The following B4GALT4 variants were observed in gnomAD, a reference collection of about 807,000 sequenced individuals.
B4GALT4 encodes beta-1,4-galactosyltransferase 4.
Under a neutral mutation model 37.3 loss-of-function variants are expected in B4GALT4, and 27 were observed. The ratio of observed to expected loss-of-function variants is 0.72; its 90% CI spans 0.53 to 1.00. B4GALT4 has a LOEUF of 1.00. B4GALT4 is among the 50% of genes least tolerant of loss of function. B4GALT4 has a pLI of 0.00. For synonymous variants in B4GALT4, 148 were observed against 154.1 expected (o/e 0.96, Z 0.29); for missense variants, 372 against 413.1 (o/e 0.90, Z 0.86).
chr3:119,221,481 A>G (rs533929454), intron 5 of B4GALT4, among the ~76,000 whole-genome samples: 3 of 152,336 alleles, frequency 2.0e-5, no homozygotes, highest in African/African-American at 4.8e-5. Context: ...GCAGACACTC[A>G]GCTGCCTGGA....
At chr3:119,224,330 TA>T in intron 4 of B4GALT4, 85 bp from the exon 5 acceptor site, 1 of 1,063,076 alleles carries the variant, frequency 9.4e-7, no homozygotes, top group South Asian at 1.7e-5. Flanking sequence ...CAGGAGATGG[TA>T]TTATTCTAAT....
At chr3:119,216,040 A>G (rs2078280593) in intron 7 of B4GALT4, 200 bp downstream of exon 7, 4 of 342,804 alleles carry the variant, frequency 1.2e-5, no homozygotes, top group Non-Finnish European at 2.1e-5. Context: ...TGAGGGAAAG[A>G]AGAGAGGCCA....
At chr3:119,214,749 T>G (rs1420222982) in intron 7 of B4GALT4, 1 of 152,206 alleles carries the variant, frequency 6.6e-6, no homozygotes, top group African/African-American at 2.4e-5. Context: ...TAGAAAAATC[T>G]AATAAATGCA....
At chr3:119,237,559 T>G (rs114088303) in intron 1 of B4GALT4, among the ~76,000 whole-genome samples, 1,971 of 152,282 alleles carry the variant, frequency 0.013, 35 homozygotes, top group African/African-American at 0.044. Context: ...AAAATGAAAT[T>G]TTAACAAGCT....
chr3:119,212,051 C>T lies in B4GALT4; in HGVS notation c.*498G>A, dbSNP rs187632459. The T allele has an allele frequency of 1.5e-6, 1 of 674,322 alleles. No individual in the cohort carries two copies. Among genetic ancestry groups the T allele is most frequent in the African/African-American group, 1.8e-5 (1 of 56,208 alleles). 41.8% of individuals were successfully genotyped at this position (674,322 alleles called of 1,614,324 possible). On this transcript the variant is annotated 3_prime_UTR_variant, in exon 8 of 8. Transcript: ENST00000393765. Reference sequence around the variant, plus strand: ...CCTGATTCGTCGCCTTTTCTCCCCTCTTTTGTGGACGCCTTCTCACCTGAC... The same window carrying T: ...CCTGATTCGTCGCCTTTTCTCCCCTTTTTTGTGGACGCCTTCTCACCTGAC...
In B4GALT4 at chr3:119,219,643, A is replaced by T. The variant is rs144214367; in HGVS notation, c.675-871T>A. ...TGAGAAGAGTACAAAGGGTAGACCCAAGGGGCTCAGCTCTGTGGAACCCTA... is the reference window on the plus strand; with the variant it reads ...TGAGAAGAGTACAAAGGGTAGACCCTAGGGGCTCAGCTCTGTGGAACCCTA... On this transcript the variant is annotated intron_variant, in intron 5 of 7. Transcript: ENST00000393765. 6.6e-5 allele frequency among the ~76,000 whole-genome samples: 10 copies of T among 152,352 alleles called. No individual in the cohort carries two copies. In the East Asian group the frequency reaches 1.9e-3, roughly 29 times the overall value.
intron 5 of B4GALT4, 105 bp downstream of exon 5, chr3:119,223,953 T>TC: frequency 7.9e-7 from 1 of 1,269,284 alleles, no homozygotes; most frequent in East Asian, 2.6e-5. Flanking sequence ...GACCATTTTT[T>TC]CTATTTCTCA....
At chr3:119,216,718 A>G (rs949547864) in intron 6 of B4GALT4, among the ~76,000 whole-genome samples, 1 of 152,182 alleles carries the variant, frequency 6.6e-6, no homozygotes, top group Non-Finnish European at 1.5e-5. Context: ...AGGATCCCCA[A>G]TTTACTTAGA....
intron 3 of B4GALT4, among the ~76,000 whole-genome samples, chr3:119,227,804 C>G (rs1397086471): frequency 1.3e-5 from 2 of 152,154 alleles, no homozygotes; most frequent in African/African-American, 4.8e-5. Context: ...TGAGCTATCC[C>G]CTTCTGAGTA....
chr3:119,236,890 T>A lies in B4GALT4; in HGVS notation c.-183A>T, dbSNP rs868602432. The A allele has an allele frequency of 1.3e-5, 2 of 152,216 alleles. No homozygotes were observed. The highest frequency in any genetic ancestry group is 4.8e-5 in the African/African-American group (2 of 41,454). 9.4% of individuals were successfully genotyped at this position (152,216 alleles called of 1,614,324 possible). A position where few individuals can be genotyped will look rare whatever the true frequency, so the allele number is the denominator to read the frequency against. On this transcript the variant is annotated 5_prime_UTR_variant, in exon 2 of 8. Coordinates refer to ENST00000393765, the MANE Select transcript of B4GALT4 (RefSeq NM_003778.4). Reference sequence around the variant, plus strand: ...GCACTTTTGGTCACACCCACTGCCTTCCGCTCCTCTGCCTCTAAAAGTGAT... The same window carrying A: ...GCACTTTTGGTCACACCCACTGCCTACCGCTCCTCTGCCTCTAAAAGTGAT...
intron 6 of B4GALT4, among the ~76,000 whole-genome samples, chr3:119,217,139 T>C (rs1210156613): frequency 6.6e-6 from 1 of 152,218 alleles, no homozygotes; most frequent in Non-Finnish European, 1.5e-5. Context: ...CCCCTCTACT[T>C]TGAAGCTGAA....
intron 6 of B4GALT4, 53 bp from the exon 7 acceptor site, chr3:119,216,397 G>T: frequency 1.4e-6 from 2 of 1,460,228 alleles, no homozygotes; most frequent in South Asian, 1.2e-5. Context: ...TCTACCACTA[G>T]GCAAATAAAA....
At chr3:119,228,043 C>A (rs561276704) in intron 3 of B4GALT4, among the ~76,000 whole-genome samples, 2 of 152,156 alleles carry the variant, frequency 1.3e-5, no homozygotes, top group Non-Finnish European at 2.9e-5. Context: ...GTCAGTAATG[C>A]CCTAAAAACA....
chr3:119,212,730 T>A (rs767372852), intron 7 of B4GALT4, 49 bp from the exon 8 acceptor site: 2 of 1,508,086 alleles, frequency 1.3e-6, no homozygotes, highest in Admixed American at 4.4e-5. Flanking sequence ...AACATATGTC[T>A]CCACTGCATT....
Position 119,212,385 on chromosome 3 carries a change from C to T in B4GALT4, c.*164G>A, listed in dbSNP as rs2078182657. The T allele has an allele frequency of 3.0e-6, 2 of 672,890 alleles. No individual in the cohort carries two copies. The highest frequency in any genetic ancestry group is 5.0e-6 in the Non-Finnish European group (2 of 397,974). 41.7% of individuals were successfully genotyped at this position (672,890 alleles called of 1,614,324 possible). A position where few individuals can be genotyped will look rare whatever the true frequency, so the allele number is the denominator to read the frequency against. On this transcript the variant is annotated 3_prime_UTR_variant, in exon 8 of 8. Coordinates refer to ENST00000393765, the MANE Select transcript of B4GALT4 (RefSeq NM_003778.4). ...GCTGTCTTGTTACAACTGTTTTATACTCTACATCACCAGGAGCTCTGCTAA... is the reference window on the plus strand; with the variant it reads ...GCTGTCTTGTTACAACTGTTTTATATTCTACATCACCAGGAGCTCTGCTAA...
At position 119,230,144 on chromosome 3, in the gene B4GALT4, G is replaced by C; in HGVS notation, c.-45C>G. The C allele has an allele frequency of 6.2e-7, 1 of 1,600,694 alleles. No individual in the cohort carries two copies. The highest frequency in any genetic ancestry group is 8.5e-7 in the Non-Finnish European group (1 of 1,172,584). On this transcript the variant is annotated 5_prime_UTR_variant, in exon 3 of 8. Coordinates refer to ENST00000393765, the MANE Select transcript of B4GALT4 (RefSeq NM_003778.4). ...ATATCTATCTCTCTGCTTCACTGCA[G>C]GCAAGAAAGCTTCAAGTTGAGCTTT...
chr3:119,213,853 T>G (rs563333570), intron 7 of B4GALT4: 1 of 152,306 alleles, frequency 6.6e-6, no homozygotes, highest in Non-Finnish European at 1.5e-5. Flanking sequence ...TAGAAAAACA[T>G]AGAAAATAGA....
chr3:119,237,695 T>G (rs1022250402), intron 1 of B4GALT4, among the ~76,000 whole-genome samples: 3 of 152,242 alleles, frequency 2.0e-5, no homozygotes, highest in African/African-American at 7.2e-5. Flanking sequence ...TAAGAAGATA[T>G]GTGAAAATGA....
chr3:119,218,030 G>A (rs1576893020), intron 6 of B4GALT4, among the ~76,000 whole-genome samples: 1 of 152,200 alleles, frequency 6.6e-6, no homozygotes, highest in East Asian at 1.9e-4. Context: ...AATCCAAGTT[G>A]AGGGGAAGAA....
Sources: gnomAD v4.1 joint callset for allele counts (sites outside exome capture counted in the v4.1 genomes callset) on GRCh38, gnomAD v4.1.1 for gene constraint, MANE v1.5 for transcripts, NCBI Gene and HGNC (gene_info 2026-07-23, HGNC 2026-07-21) for gene names.